The following PNMA2 variants were observed in gnomAD, a reference collection of about 807,000 sequenced individuals.
PNMA2 encodes paraneoplastic antigen Ma2.
For missense variants in PNMA2, 455 were observed against 452.9 expected (o/e 1.00, Z -0.04); for synonymous variants, 175 against 183.5 (o/e 0.95, Z 0.38).
rs557595948 is a variant in PNMA2, at chr8:26,508,516, A to C, written c.240T>G (p.Ser80Arg). 32 of 1,614,070 alleles carry C rather than the reference A, an allele frequency of 2.0e-5. No individual in the cohort carries two copies. Among genetic ancestry groups the C allele is most frequent in the Admixed American group, 5.0e-5 (3 of 60,006 alleles). ...LEDTDVSAIP[S>R]EVQGKGGVWK... is the part of the protein sequence containing the mutation. ...AGACACCCCCCTTTCCCTGGACCTCACTGGGAATGGCCGAGACATCAGTAT... is the reference window on the plus strand; with the variant it reads ...AGACACCCCCCTTTCCCTGGACCTCCCTGGGAATGGCCGAGACATCAGTAT... Residue 80 changes from serine to arginine, a missense_variant, in exon 3 of 3, where the codon AGT (serine) becomes AGG (arginine). Transcript: ENST00000522362. This position sits in a 1 kb window ranked among gnomAD's most constrained non-coding sequence, Gnocchi z 5.5.
At position 26,507,063 on chromosome 8, in the gene PNMA2, T is replaced by C. The variant is rs1808054502; in HGVS notation, c.*598A>G. 1 of 152,230 alleles carries C rather than the reference T, an allele frequency of 6.6e-6. No homozygotes were observed. The highest frequency in any genetic ancestry group is 1.5e-5 in the Non-Finnish European group (1 of 68,048). 9.4% of individuals were successfully genotyped at this position (152,230 alleles called of 1,614,324 possible). A position where few individuals can be genotyped will look rare whatever the true frequency, so the allele number is the denominator to read the frequency against. On this transcript the variant is annotated 3_prime_UTR_variant, in exon 3 of 3. Transcript: ENST00000522362. ...TCCTTCAGGCTTACTATTTAATATT[T>C]GGAGTTTAATCTTTTGTTCATTAAT...
rs1808089949 is a variant in PNMA2, at chr8:26,508,455, C to A, written c.301G>T (p.Glu101Ter). The change falls in exon 3 of 3, where the codon GAG (glutamate) becomes TAG (stop). Residue 101 changes from glutamate to a stop codon, truncating the protein, a stop_gained. Coordinates refer to ENST00000522362, the MANE Select transcript of PNMA2 (RefSeq NM_007257.6). LOFTEE classifies it high-confidence loss of function. The surrounding 1 kb of genome is among the most constrained non-coding windows in gnomAD (Gnocchi z 5.5). ...VIFKTPNQDT[E>*]FLERLNLFLE... ...AACAGGTTCAATCTTTCAAGAAACTCAGTGTCCTGATTAGGGGTCTTAAAG... is the reference window on the plus strand; with the variant it reads ...AACAGGTTCAATCTTTCAAGAAACTAAGTGTCCTGATTAGGGGTCTTAAAG... 6.2e-7 allele frequency: 1 copy of A among 1,614,108 alleles called. No homozygotes were observed. Among genetic ancestry groups the A allele is most frequent in the African/African-American group, 1.3e-5 (1 of 74,938 alleles).
intron 1 of PNMA2, among the ~76,000 whole-genome samples, chr8:26,510,881 G>A (rs1808139694): frequency 6.6e-6 from 1 of 152,190 alleles, no homozygotes; most frequent in Admixed American, 6.5e-5. Context: ...GGCCAGGCGT[G>A]GTGACTCATG....
chr8:26,511,774 A>G (rs1323659826), intron 1 of PNMA2: 1 of 152,152 alleles, frequency 6.6e-6, no homozygotes, highest in African/African-American at 2.4e-5. Flanking sequence ...ACTCTGTCTG[A>G]AAACAAAAAC....
chr8:26,513,689 G>A, intron 1 of PNMA2, 127 bp downstream of exon 1: 1 of 152,614 alleles, frequency 6.6e-6, no homozygotes, highest in Non-Finnish European at 1.5e-5. Flanking sequence ...GTGCGCCCTC[G>A]CCCCCGGCCC....
chr8:26,512,367 A>G (rs983285830), intron 1 of PNMA2, among the ~76,000 whole-genome samples: 3 of 152,068 alleles, frequency 2.0e-5, no homozygotes, highest in Non-Finnish European at 4.4e-5. Context: ...CTCCACTCCT[A>G]TATTCTTCTT....
At position 26,509,064 on chromosome 8, in the gene PNMA2, G is replaced by C. The variant is rs1808102891; in HGVS notation, c.-309C>G. ...TCCGATTGCCAGTGATTTTCTCAAA[G>C]ATGCTGGCAGCCACGTGACGCTGAC... On this transcript the variant is annotated 5_prime_UTR_variant, in exon 3 of 3. It adds an upstream start codon to the 5' untranslated region. Coordinates refer to ENST00000522362, the MANE Select transcript of PNMA2 (RefSeq NM_007257.6). The surrounding 1 kb of genome is among the most constrained non-coding windows in gnomAD (Gnocchi z 5.7). 2.6e-6 allele frequency: 1 copy of C among 390,848 alleles called. No individual in the cohort carries two copies. The highest frequency in any genetic ancestry group is 5.0e-5 in the Admixed American group (1 of 20,064). 24.2% of individuals were successfully genotyped at this position (390,848 alleles called of 1,614,324 possible).
rs1304965842 is a variant in PNMA2 at position 26,505,463 on chromosome 8, G to A, written c.*2198C>T. 4 of 139,586 alleles carry A rather than the reference G, an allele frequency of 2.9e-5. No homozygotes were observed. Among genetic ancestry groups the A allele is most frequent in the African/African-American group, 8.2e-5 (3 of 36,710 alleles). 8.6% of individuals were successfully genotyped at this position (139,586 alleles called of 1,614,324 possible). A position where few individuals can be genotyped will look rare whatever the true frequency, so the allele number is the denominator to read the frequency against. On this transcript the variant is annotated 3_prime_UTR_variant, in exon 3 of 3. Transcript: ENST00000522362. ...ACTCACACACTTACGTGATACACAGGTCTGATCTAAATACACAGGTCTGAT... is the reference window on the plus strand; with the variant it reads ...ACTCACACACTTACGTGATACACAGATCTGATCTAAATACACAGGTCTGAT...
chr8:26,508,507 C>G lies in PNMA2; in HGVS notation c.249G>C (p.Gln83His), dbSNP rs1169960738. Reference sequence around the variant, plus strand: ...TCACCTTCCAGACACCCCCCTTTCCCTGGACCTCACTGGGAATGGCCGAGA... The same window carrying G: ...TCACCTTCCAGACACCCCCCTTTCCGTGGACCTCACTGGGAATGGCCGAGA... Reference protein sequence around the residue: ...TDVSAIPSEVQGKGGVWKVIF... With the variant: ...TDVSAIPSEVHGKGGVWKVIF... Residue 83 changes from glutamine to histidine, a missense_variant, in exon 3 of 3, where the codon CAG becomes CAC. Gln to His is a conservative substitution (Grantham distance 24). Coordinates refer to ENST00000522362, the MANE Select transcript of PNMA2 (RefSeq NM_007257.6). This position sits in a 1 kb window ranked among gnomAD's most constrained non-coding sequence, Gnocchi z 5.5. The G allele has an allele frequency of 6.2e-7, 1 of 1,614,224 alleles. No individual in the cohort carries two copies.
intron 1 of PNMA2, chr8:26,513,106 T>G: frequency 1.5e-5 from 1 of 66,588 alleles, no homozygotes. Flanking sequence ...TCAGTTTGTT[T>G]TTTCTCTCTT....
In PNMA2 at chr8:26,507,996, A is replaced by G. The variant is rs1808076234; in HGVS notation, c.760T>C (p.Tyr254His). Residue 254 changes from tyrosine to histidine, a missense_variant, in exon 3 of 3, where the codon TAT (tyrosine) becomes CAT (histidine). Coordinates refer to ENST00000522362, the MANE Select transcript of PNMA2 (RefSeq NM_007257.6). ...CCTTCCTCCTGATAGGTCTTCAGATACCTCACCTGGGCTGTCCTGCGGCTC... is the reference window on the plus strand; with the variant it reads ...CCTTCCTCCTGATAGGTCTTCAGATGCCTCACCTGGGCTGTCCTGCGGCTC... ...LESRRTAQVR[Y>H]LKTYQEEGEK... The G allele has an allele frequency of 6.2e-7, 1 of 1,614,056 alleles. No homozygotes were observed.
At chr8:26,510,795 A>C (rs1808138306) in intron 1 of PNMA2, among the ~76,000 whole-genome samples, 1 of 152,164 alleles carries the variant, frequency 6.6e-6, no homozygotes, top group South Asian at 2.1e-4. Flanking sequence ...AAAAAGAAAA[A>C]AGGAGGAAGC....
rs1352570677 is a variant in PNMA2 at position 26,509,243 on chromosome 8, C to G, written c.-488G>C. The G allele has an allele frequency of 5.9e-6, 1 of 168,366 alleles. No homozygotes were observed. Among genetic ancestry groups the G allele is most frequent in the African/African-American group, 2.4e-5 (1 of 41,500 alleles). 10.4% of individuals were successfully genotyped at this position (168,366 alleles called of 1,614,324 possible). On this transcript the variant is annotated splice_region_variant and 5_prime_UTR_variant, in exon 3 of 3. Transcript: ENST00000522362. This position sits in a 1 kb window ranked among gnomAD's most constrained non-coding sequence, Gnocchi z 5.7. The stretch of plus-strand genomic sequence containing the variant: ...GCCTCCCAGCAGGGCGGCTTGGACC[C>G]CTGGTGAAACAATGTTCAGTTTTAC...
chr8:26,512,416 A>C (rs1198150331), intron 1 of PNMA2, among the ~76,000 whole-genome samples: 1 of 152,148 alleles, frequency 6.6e-6, no homozygotes, highest in Non-Finnish European at 1.5e-5. Context: ...CTTTCCACCT[A>C]TCAAGATGGG....
rs898919878 is a variant in PNMA2, at chr8:26,513,430, G to A, written c.-619+386C>T. 1.7e-4 allele frequency among the ~76,000 whole-genome samples: 26 copies of A among 151,098 alleles called. No homozygotes were observed. The Middle Eastern group carries it at 0.01, about 60-fold the overall frequency. ...CCGTCACCCCAACCACACCAAAGTG[G>A]ATGCACGAAGCGGGAACCTTCTCGT... On this transcript the variant is annotated intron_variant, in intron 1 of 2. Coordinates refer to ENST00000522362, the MANE Select transcript of PNMA2 (RefSeq NM_007257.6).
rs759634874 is a variant in PNMA2 at position 26,507,971 on chromosome 8, C to T, written c.785G>A (p.Gly262Glu). 1 of 1,614,216 alleles carries T rather than the reference C, an allele frequency of 6.2e-7. No individual in the cohort carries two copies. Among genetic ancestry groups the T allele is most frequent in the South Asian group, 1.1e-5 (1 of 91,084 alleles). The change falls in exon 3 of 3, where the codon GGA becomes GAA. Residue 262 changes from glycine (G) to glutamate (E), a missense_variant. Gly to Glu is a moderately conservative substitution (Grantham distance 98). Coordinates refer to ENST00000522362, the MANE Select transcript of PNMA2 (RefSeq NM_007257.6). The part of the protein sequence containing the change: ...VRYLKTYQEE[G>E]EKVSAYVLRL... ...TAACACATAGGCTGAGACCTTCTCTCCTTCCTCCTGATAGGTCTTCAGATA... is the reference window on the plus strand; with the variant it reads ...TAACACATAGGCTGAGACCTTCTCTTCTTCCTCCTGATAGGTCTTCAGATA...
Position 26,508,483 on chromosome 8 carries a change from C to T in PNMA2, c.273G>A (p.Val91=). The change falls in exon 3 of 3, where the codon GTG becomes GTA. Residue 91 remains valine (V), a synonymous_variant. Coordinates refer to ENST00000522362, the MANE Select transcript of PNMA2 (RefSeq NM_007257.6). This position sits in a 1 kb window ranked among gnomAD's most constrained non-coding sequence, Gnocchi z 5.5. ...TGTCCTGATTAGGGGTCTTAAAGAT[C>T]ACCTTCCAGACACCCCCCTTTCCCT... is the stretch of plus-strand genomic sequence containing the variant. The part of the protein sequence containing the change: ...EVQGKGGVWK[V]IFKTPNQDTE... The T allele has an allele frequency of 6.2e-7, 1 of 1,614,208 alleles. No homozygotes were observed.
chr8:26,513,633 T>A (rs532263204), intron 1 of PNMA2, among the ~76,000 whole-genome samples, 183 bp downstream of exon 1: 36 of 152,240 alleles, frequency 2.4e-4, no homozygotes, highest in African/African-American at 8.4e-4. Context: ...CCTTTTCCCA[T>A]CCATCAGCTC....
Position 26,508,418 on chromosome 8 carries a change from T to C in PNMA2, c.338A>G (p.Glu113Gly), listed in dbSNP as rs1585478453. Residue 113 changes from glutamate (E) to glycine (G), a missense_variant, in exon 3 of 3, where the codon GAG (glutamate) becomes GGG (glycine). Coordinates refer to ENST00000522362, the MANE Select transcript of PNMA2 (RefSeq NM_007257.6). This position sits in a 1 kb window ranked among gnomAD's most constrained non-coding sequence, Gnocchi z 5.5. ...AAACATACCCGAGACCGTCTGCCCC[T>C]CTTTTTCTAGAAACAGGTTCAATCT... ...LERLNLFLEK[E>G]GQTVSGMFRA... 1.2e-6 allele frequency: 2 copies of C among 1,614,202 alleles called. No homozygotes were observed. Among genetic ancestry groups the C allele is most frequent in the African/African-American group, 1.3e-5 (1 of 75,056 alleles).
Sources: gnomAD v4.1 joint callset for allele counts (sites outside exome capture counted in the v4.1 genomes callset) on GRCh38, gnomAD v4.1.1 for gene constraint, Gnocchi (gnomAD v3.1) non-coding constraint, MANE v1.5 for transcripts, NCBI Gene and HGNC (gene_info 2026-07-23, HGNC 2026-07-21) for gene names.